Variants in MARCHF1 observed in about 807,000 individuals in gnomAD.
MARCHF1 encodes the protein E3 ubiquitin-protein ligase MARCHF1.
In MARCHF1, 40 loss-of-function variants were observed where a neutral mutation model predicts 54.2. That is an observed-to-expected ratio of 0.74 (90% CI 0.57 to 0.96). MARCHF1 has a LOEUF of 0.96. Ranked by LOEUF, MARCHF1 falls within the 40% of genes least tolerant of loss-of-function variation. The probability of loss-of-function intolerance (pLI) is 0.00; values close to 1 mark genes in which losing one functional copy is unlikely to be tolerated. For missense variants in MARCHF1, 586 were observed against 656.5 expected (o/e 0.89, Z 1.17); for synonymous variants, 236 against 236.3 (o/e 1.00, Z 0.01).
rs538402946 is a variant in MARCHF1, at chr4:164,331,868, A to G, written c.-323+52002T>C. The stretch of plus-strand genomic sequence containing the variant: ...AATATATACAATAACAGAGAAGAAA[A>G]TAAAAGAACTTCCATGTGCTTATCG... On this transcript the variant is annotated intron_variant, in intron 1 of 9. Coordinates refer to ENST00000514618, the MANE Select transcript of MARCHF1 (RefSeq NM_001394959.1). Among the ~76,000 whole-genome samples, 15 of 152,328 alleles carry G rather than the reference A, an allele frequency of 9.8e-5. No individual in the cohort carries two copies. In the South Asian group the frequency reaches 3.1e-3, roughly 32 times the overall value.
chr4:163,998,150 A>G (rs1753115739), intron 2 of MARCHF1, among the ~76,000 whole-genome samples: 1 of 151,442 alleles, frequency 6.6e-6, no homozygotes, highest in Non-Finnish European at 1.5e-5. Flanking sequence ...TGAATATTTA[A>G]AAGTACCATT....
intron 3 of MARCHF1, among the ~76,000 whole-genome samples, chr4:163,901,785 C>T (rs1750946819): frequency 6.6e-6 from 1 of 152,176 alleles, no homozygotes; most frequent in African/African-American, 2.4e-5. Flanking sequence ...ATAATCTCCC[C>T]TTTTATCCTA....
intron 4 of MARCHF1, among the ~76,000 whole-genome samples, chr4:163,748,801 C>G (rs953522042): frequency 6.6e-6 from 1 of 152,164 alleles, no homozygotes. Flanking sequence ...GTGGCACAGC[C>G]CCCCCGCCCA....
At chr4:164,370,245 T>C (rs566093927) in intron 1 of MARCHF1, among the ~76,000 whole-genome samples, 2 of 152,272 alleles carry the variant, frequency 1.3e-5, no homozygotes, top group Admixed American at 1.3e-4. Flanking sequence ...AGAAATATGG[T>C]GAGGGTGAAA....
chr4:163,697,093 A>G (rs1157929413), intron 5 of MARCHF1, among the ~76,000 whole-genome samples: 1 of 152,176 alleles, frequency 6.6e-6, no homozygotes, highest in Admixed American at 6.5e-5. Context: ...AATTCATCCC[A>G]GCAGGGTGTG....
intron 4 of MARCHF1, among the ~76,000 whole-genome samples, chr4:163,744,777 C>T (rs1196247776): frequency 6.6e-6 from 1 of 151,830 alleles, no homozygotes; most frequent in Non-Finnish European, 1.5e-5. Flanking sequence ...TGCCTCATTT[C>T]ACAGGATTGA....
chr4:163,632,505 G>T (rs1214932959), intron 5 of MARCHF1, among the ~76,000 whole-genome samples: 1 of 152,232 alleles, frequency 6.6e-6, no homozygotes, highest in Admixed American at 6.5e-5. Context: ...TGGAAAATCG[G>T]GTCACTCCCA....
At chr4:164,096,596 TC>T (rs1755418792) in intron 2 of MARCHF1, among the ~76,000 whole-genome samples, 1 of 151,852 alleles carries the variant, frequency 6.6e-6, no homozygotes. Context: ...AAAGTGTGCC[TC>T]CAGAGTCCTT....
At chr4:164,234,108 G>A (rs1023834527) in intron 1 of MARCHF1, among the ~76,000 whole-genome samples, 1 of 152,070 alleles carries the variant, frequency 6.6e-6, no homozygotes, top group Non-Finnish European at 1.5e-5. Flanking sequence ...ATGAAATAGA[G>A]AACCTCTGGG....
chr4:164,342,328 G>A (rs940042782), intron 1 of MARCHF1, among the ~76,000 whole-genome samples: 1 of 152,024 alleles, frequency 6.6e-6, no homozygotes, highest in African/African-American at 2.4e-5. Flanking sequence ...TTAGGGTCTG[G>A]AGAAAAGGAA....
chr4:164,107,568 G>T (rs1019311420), intron 2 of MARCHF1, among the ~76,000 whole-genome samples: 2 of 152,012 alleles, frequency 1.3e-5, no homozygotes, highest in African/African-American at 4.8e-5. Context: ...TCACCATGTT[G>T]CCCAGTCTGG....
At chr4:163,778,753 A>C (rs1406466086) in intron 4 of MARCHF1, among the ~76,000 whole-genome samples, 1 of 152,170 alleles carries the variant, frequency 6.6e-6, no homozygotes, top group Non-Finnish European at 1.5e-5. Context: ...AGACACAGAA[A>C]GACAAATACC....
chr4:164,051,576 A>T (rs1754365908), intron 2 of MARCHF1, among the ~76,000 whole-genome samples: 1 of 152,328 alleles, frequency 6.6e-6, no homozygotes, highest in Non-Finnish European at 1.5e-5. Context: ...GACATTATTA[A>T]ATCTCACAAT....
chr4:164,178,246 A>G (rs1730741678), intron 1 of MARCHF1, among the ~76,000 whole-genome samples: 1 of 152,166 alleles, frequency 6.6e-6, no homozygotes, highest in African/African-American at 2.4e-5. Context: ...AAAGGGGTAA[A>G]GTCTTTGTAC....
At chr4:163,957,497 T>G (rs1281601299) in intron 3 of MARCHF1, among the ~76,000 whole-genome samples, 2 of 151,944 alleles carry the variant, frequency 1.3e-5, no homozygotes, top group Non-Finnish European at 2.9e-5. Context: ...TTTTAAAAAG[T>G]TTTTTAAAAA....
intron 2 of MARCHF1, among the ~76,000 whole-genome samples, chr4:164,020,006 GGCAGTGGAA>G (rs1200536125): frequency 6.6e-6 from 1 of 152,170 alleles, no homozygotes; most frequent in Admixed American, 6.5e-5. Flanking sequence ...TATTGTTTTT[GGCAGTGGAA>G]GCAGTTCATC....
intron 4 of MARCHF1, among the ~76,000 whole-genome samples, chr4:163,826,942 A>G (rs1403059212): frequency 6.6e-6 from 1 of 152,046 alleles, no homozygotes; most frequent in African/African-American, 2.4e-5. Context: ...TATTTTCCAC[A>G]ATTTCCACAA....
At chr4:164,298,507 T>A (rs544993223) in intron 1 of MARCHF1, among the ~76,000 whole-genome samples, 1 of 152,104 alleles carries the variant, frequency 6.6e-6, no homozygotes, top group Admixed American at 6.5e-5. Context: ...TTCCCTTTTA[T>A]ATATTTTAAA....
At chr4:164,094,559 A>C (rs1755369005) in intron 2 of MARCHF1, among the ~76,000 whole-genome samples, 3 of 152,166 alleles carry the variant, frequency 2.0e-5, no homozygotes, top group Admixed American at 2.0e-4. Flanking sequence ...TAAGAGAGCA[A>C]GGGAATAGGA....
Sources: gnomAD v4.1 joint callset for allele counts (sites outside exome capture counted in the v4.1 genomes callset) on GRCh38, gnomAD v4.1.1 for gene constraint, MANE v1.5 for transcripts, NCBI Gene and HGNC (gene_info 2026-07-23, HGNC 2026-07-21) for gene names.